AHNAK: variants seen among roughly 807,000 people sequenced by gnomAD.
AHNAK encodes the protein AHNAK nucleoprotein, also known as neuroblast differentiation-associated protein AHNAK.
Under a neutral mutation model 37.8 loss-of-function variants are expected in AHNAK, and 23 were observed. The ratio of observed to expected loss-of-function variants is 0.61; its 90% CI spans 0.44 to 0.86. The LOEUF is 0.86. Ranked by LOEUF, AHNAK falls within the 40% of genes least tolerant of loss-of-function variation. The pLI, the probability that AHNAK is intolerant of heterozygous loss-of-function variation, is 0.00. For synonymous variants in AHNAK, 2,481 were observed against 2,636.3 expected, an observed-to-expected ratio of 0.94 and a Z score of 1.80; for missense variants, 7,411 against 7,319.4, an observed-to-expected ratio of 1.01 and a Z score of -0.46.
Position 62,517,291 on chromosome 11 carries a change from T to A in AHNAK, c.17126A>T (p.Lys5709Met). The A allele has an allele frequency of 6.2e-7, 1 of 1,614,140 alleles. No individual in the cohort carries two copies. Among genetic ancestry groups the A allele is most frequent in the Non-Finnish European group, 8.5e-7 (1 of 1,180,026 alleles). ...EWEESEVKLK[K>M]SKIKMPKFNF... ...AAACTTGGGCATTTTGATCTTGGAC[T>A]TTTTCAGTTTGACTTCAGACTCTTC... The change falls in exon 5 of 5, where the codon AAG becomes ATG. Residue 5709 changes from lysine (K) to methionine (M), a missense_variant. Physicochemically the swap from Lys to Met is moderately conservative, Grantham distance 95. Transcript: ENST00000378024.
chr11:62,442,440 T>C (rs977822524), intron 5 of AHNAK, among the ~76,000 whole-genome samples: 1 of 152,088 alleles, frequency 6.6e-6, no homozygotes, highest in African/African-American at 2.4e-5. Context: ...CCCAGCTACT[T>C]AGGAGACTGA....
chr11:62,531,307 T>A lies in AHNAK; in HGVS notation c.3110A>T (p.Asn1037Ile). Reference protein sequence around the residue: ...VDISAPKVDTNAPDLSLEGPE... With the variant: ...VDISAPKVDTIAPDLSLEGPE... The stretch of plus-strand genomic sequence containing the variant: ...TCCTTCAAGGCTCAGATCTGGAGCA[T>A]TAGTATCTACTTTTGGTGCAGAAAT... Residue 1037 changes from asparagine (N) to isoleucine (I), a missense_variant, in exon 5 of 5, where the codon AAT becomes ATT. Asn to Ile is a moderately radical substitution (Grantham distance 149, BLOSUM62 -3). Coordinates refer to ENST00000378024, the MANE Select transcript of AHNAK (RefSeq NM_001620.3). 1 of 1,613,778 alleles carries A rather than the reference T, an allele frequency of 6.2e-7. No homozygotes were observed. The highest frequency in any genetic ancestry group is 8.5e-7 in the Non-Finnish European group (1 of 1,179,890).
intron 5 of AHNAK, among the ~76,000 whole-genome samples, chr11:62,469,425 A>G (rs1256940725): frequency 1.3e-5 from 2 of 150,066 alleles, no homozygotes; most frequent in Non-Finnish European, 1.5e-5. Context: ...TCCAGCCCCA[A>G]TTAGGATCTT....
chr11:62,439,089 AT>A (rs11374757), intron 5 of AHNAK, among the ~76,000 whole-genome samples: 5,096 of 92,850 alleles, frequency 0.055, 256 homozygotes, highest in African/African-American at 0.19. Flanking sequence ...CAGTTTCCCT[AT>A]TTTTTTTTTT....
intron 5 of AHNAK, among the ~76,000 whole-genome samples, chr11:62,461,602 G>T (rs187410860): frequency 6.6e-6 from 1 of 151,998 alleles, no homozygotes; most frequent in Non-Finnish European, 1.5e-5. Context: ...CCATAATTGA[G>T]AATTCAAAAA....
intron 1 of AHNAK, among the ~76,000 whole-genome samples, chr11:62,546,262 C>T (rs750210990): frequency 8.9e-4 from 135 of 152,226 alleles, no homozygotes; most frequent in South Asian, 2.3e-3. Context: ...TCGGAAATTT[C>T]CCCTCCAGTA....
At chr11:62,493,535 T>A (rs1170454770) in intron 4 of AHNAK, among the ~76,000 whole-genome samples, 1 of 152,106 alleles carries the variant, frequency 6.6e-6, no homozygotes, top group Non-Finnish European at 1.5e-5. Context: ...GGTTTCACTA[T>A]CTTGGCCAAG....
chr11:62,472,574 C>G (rs1240345249), intron 5 of AHNAK, among the ~76,000 whole-genome samples: 3 of 152,102 alleles, frequency 2.0e-5, no homozygotes, highest in Admixed American at 1.3e-4. Context: ...CCTCACCATC[C>G]CTATGAAGTC....
intron 5 of AHNAK, among the ~76,000 whole-genome samples, chr11:62,436,295 T>C (rs1008347183): frequency 2.6e-5 from 4 of 152,284 alleles, no homozygotes; most frequent in Non-Finnish European, 5.9e-5. Context: ...GAATGGTGTC[T>C]GCAACATCTG....
rs115943589 is a variant in AHNAK at position 62,451,014 on chromosome 11, A to G, written c.443-17123T>C. On this transcript the variant is annotated intron_variant, in intron 5 of 5. Transcript: ENST00000257247. Reference sequence around the variant, plus strand: ...GATGAGACGGAGACCCATCTTTGGTACATGGAGATGATGTCACTGACCCAA... The same window carrying G: ...GATGAGACGGAGACCCATCTTTGGTGCATGGAGATGATGTCACTGACCCAA... Among the ~76,000 whole-genome samples, 189 of 141,862 alleles carry G rather than the reference A, an allele frequency of 1.3e-3. 4 individuals carry two copies. The highest frequency in any genetic ancestry group is 3.9e-3 in the African/African-American group (158 of 40,548). 93.1% of individuals were successfully genotyped at this position (141,862 alleles called of 152,430 possible).
chr11:62,541,606 C>T (rs1413037873), intron 1 of AHNAK, among the ~76,000 whole-genome samples: 5 of 152,174 alleles, frequency 3.3e-5, no homozygotes, highest in African/African-American at 1.2e-4. Flanking sequence ...AAAAACCCCA[C>T]ACACAAGTAG....
rs202133831 is a variant in AHNAK at position 62,530,368 on chromosome 11, C to A, written c.4049G>T (p.Gly1350Val). Residue 1350 changes from glycine (G) to valine (V), a missense_variant, in exon 5 of 5, where the codon GGT becomes GTT. By Grantham distance (109) the Gly-to-Val change is moderately radical (BLOSUM62 -3). Coordinates refer to ENST00000378024, the MANE Select transcript of AHNAK (RefSeq NM_001620.3). Reference protein sequence around the residue: ...DVDVSLPEVEGEMKVPDVDIK... With the variant: ...DVDVSLPEVEVEMKVPDVDIK... The stretch of plus-strand genomic sequence containing the variant: ...GTCAACATCTGGCACTTTCATTTCA[C>A]CTTCTACCTCAGGCAAGGACACATC... 6.2e-7 allele frequency: 1 copy of A among 1,614,070 alleles called. No individual in the cohort carries two copies. The highest frequency in any genetic ancestry group is 8.5e-7 in the Non-Finnish European group (1 of 1,180,022).
rs1440882960 is a variant in AHNAK at position 62,536,321 on chromosome 11, A to G, written c.-1+148T>C. 5 of 469,894 alleles carry G rather than the reference A, an allele frequency of 1.1e-5. No homozygotes were observed. The Admixed American group carries it at 1.2e-4, about 11-fold the overall frequency. 29.1% of individuals were successfully genotyped at this position (469,894 alleles called of 1,614,324 possible). ...GTTCTCCCAAGGCACAGCAAAGAAGATGGAAAGGAGACAGCAGAGGCAACT... is the reference window on the plus strand; with the variant it reads ...GTTCTCCCAAGGCACAGCAAAGAAGGTGGAAAGGAGACAGCAGAGGCAACT... On this transcript the variant is annotated intron_variant, in intron 2 of 4. Transcript: ENST00000378024.
intron 5 of AHNAK, among the ~76,000 whole-genome samples, chr11:62,454,073 C>G (rs1364193663): frequency 3.4e-4 from 51 of 148,320 alleles, no homozygotes; most frequent in African/African-American, 1.3e-3. Flanking sequence ...CGCCACTGCA[C>G]TGCAGCCTGG....
In AHNAK at chr11:62,436,866, G is replaced by A. The variant is rs560303495; in HGVS notation, c.443-2975C>T. ...AGGCAGGAGAATGGCGTGAACCCAGGAGGCGGAGCTTGCAGTGAGCCAAGA... is the reference window on the plus strand; with the variant it reads ...AGGCAGGAGAATGGCGTGAACCCAGAAGGCGGAGCTTGCAGTGAGCCAAGA... On this transcript the variant is annotated intron_variant, in intron 5 of 5. Transcript: ENST00000257247. 1.3e-3 allele frequency among the ~76,000 whole-genome samples: 200 copies of A among 152,140 alleles called. 1 individual carries two copies. The highest frequency in any genetic ancestry group is 4.4e-3 in the African/African-American group (182 of 41,488).
At chr11:62,491,405 G>T (rs1850314041) in intron 5 of AHNAK, among the ~76,000 whole-genome samples, 1 of 152,100 alleles carries the variant, frequency 6.6e-6, no homozygotes, top group Non-Finnish European at 1.5e-5. Flanking sequence ...CCCCACCCTG[G>T]CTTCTGGGTT....
rs557349464 is a variant in AHNAK at position 62,502,224 on chromosome 11, G to C, written c.343-10393C>G. Among the ~76,000 whole-genome samples, 107 of 152,298 alleles carry C rather than the reference G, an allele frequency of 7.0e-4. 1 individual carries two copies. In the South Asian group the frequency reaches 0.021, roughly 29 times the overall value. On this transcript the variant is annotated intron_variant, in intron 4 of 5. Coordinates refer to the AHNAK transcript ENST00000257247. ...CCACCCCAGCAGGGCAGTCCTGGGG[G>C]CTGGAATGGTGTCAATTTGAGAAGT...
intron 5 of AHNAK, among the ~76,000 whole-genome samples, chr11:62,469,145 G>A (rs901172549): frequency 1.1e-4 from 16 of 151,888 alleles, no homozygotes; most frequent in Non-Finnish European, 1.8e-4. Flanking sequence ...TTTTTGAGTC[G>A]GAGTCTTGTT....
At chr11:62,489,688 C>T (rs1434285707) in intron 5 of AHNAK, among the ~76,000 whole-genome samples, 1 of 151,850 alleles carries the variant, frequency 6.6e-6, no homozygotes, top group Non-Finnish European at 1.5e-5. Flanking sequence ...TGGAGGGGAG[C>T]CCAGATGTGC....
Sources: allele counts gnomAD v4.1 joint callset (sites outside exome capture counted in the v4.1 genomes callset), GRCh38; gene constraint gnomAD v4.1.1; transcripts MANE v1.5; gene names NCBI Gene and HGNC (gene_info 2026-07-23, HGNC 2026-07-21).